Variants in CIT observed in about 807,000 individuals in gnomAD.
CIT encodes the protein citron rho-interacting serine/threonine kinase, also known as citron Rho-interacting kinase.
CIT carries 79 observed loss-of-function variants against 272.7 expected under a neutral mutation model. The observed-to-expected ratio is 0.29, with a 90% CI of 0.24 to 0.35. The LOEUF (loss-of-function observed/expected upper bound fraction) is 0.35. CIT is among the 10% of genes least tolerant of loss of function. The probability of loss-of-function intolerance (pLI) is 1.00; values close to 1 mark genes in which losing one functional copy is unlikely to be tolerated. For synonymous variants in CIT, 948 were observed against 995.6 expected (o/e 0.95, Z 0.90); for missense variants, 1,909 against 2,618.3 (o/e 0.73, Z 5.91).
chr12:119,755,968 C>T (rs1427919351), intron 22 of CIT, among the ~76,000 whole-genome samples: 2 of 152,216 alleles, frequency 1.3e-5, no homozygotes, highest in African/African-American at 2.4e-5. Context: ...GGTCACGGGG[C>T]TGTCATTACA....
At position 119,710,469 on chromosome 12, in the gene CIT, A is replaced by G. The variant is rs1417853737; in HGVS notation, c.4935+71T>C. The stretch of plus-strand genomic sequence containing the variant: ...CTCTAGTAAGAGCAACAAGGCCTCC[A>G]CAGCCCTTTCTTTCTTGATGGGGTG... On this transcript the variant is annotated intron_variant, in intron 38 of 47. Coordinates refer to ENST00000392521, the MANE Select transcript of CIT (RefSeq NM_001206999.2). The surrounding 1 kb of genome is among the most constrained non-coding windows in gnomAD (Gnocchi z 5.6). 1 of 1,612,698 alleles carries G rather than the reference A, an allele frequency of 6.2e-7. No homozygotes were observed. The highest frequency in any genetic ancestry group is 8.5e-7 in the Non-Finnish European group (1 of 1,178,832).
intron 8 of CIT, among the ~76,000 whole-genome samples, chr12:119,824,038 CAAAAAA>C (rs33990395): frequency 7.9e-5 from 4 of 50,700 alleles, no homozygotes; most frequent in Admixed American, 6.8e-4. Flanking sequence ...GACTCCATCT[CAAAAAA>C]AAAAAAAAAA....
intron 5 of CIT, among the ~76,000 whole-genome samples, chr12:119,835,572 TC>T (rs1423275491): frequency 1.3e-5 from 2 of 152,206 alleles, no homozygotes; most frequent in Non-Finnish European, 2.9e-5. Context: ...TCATATGCTT[TC>T]TGGGAAAAAG....
Position 119,837,302 on chromosome 12 carries a change from G to A in CIT, c.517-3074C>T, listed in dbSNP as rs993597408. On this transcript the variant is annotated intron_variant, in intron 5 of 47. Transcript: ENST00000392521. ...AGCTGCTCATTCTAGTATGAATGGA[G>A]GCCATGGGGAAGATGGCTTGTGTGT... Among the ~76,000 whole-genome samples, 3 of 152,320 alleles carry A rather than the reference G, an allele frequency of 2.0e-5. No homozygotes were observed. The South Asian group carries it at 6.2e-4, about 32-fold the overall frequency.
intron 21 of CIT, among the ~76,000 whole-genome samples, chr12:119,757,937 G>A (rs1436150327): frequency 6.6e-6 from 1 of 152,160 alleles, no homozygotes; most frequent in Non-Finnish European, 1.5e-5. Context: ...GGAGAAAAAG[G>A]ACTAAGGAGA....
chr12:119,737,288 C>A lies in CIT; in HGVS notation c.2959-1931G>T, dbSNP rs561644011. On this transcript the variant is annotated intron_variant, in intron 24 of 47. Transcript: ENST00000392521. ...CGCCACTGCACTCCAGCCTGGGTGACAGAGCAAGATTCCATCTCAAAAAAA... is the reference window on the plus strand; with the variant it reads ...CGCCACTGCACTCCAGCCTGGGTGAAAGAGCAAGATTCCATCTCAAAAAAA... 7.0e-5 allele frequency among the ~76,000 whole-genome samples: 7 copies of A among 99,330 alleles called. No individual in the cohort carries two copies. The East Asian group carries it at 2.2e-3, about 31-fold the overall frequency. The allele number at this position is 99,330 out of a possible 152,430, so 65.2% of individuals were successfully genotyped here.
intron 6 of CIT, 110 bp from the exon 7 acceptor site, chr12:119,832,974 T>C (rs1288058742): frequency 1.4e-6 from 1 of 716,794 alleles, no homozygotes; most frequent in Non-Finnish European, 2.5e-6. Flanking sequence ...TTCTGTTATA[T>C]AGACCTCCTC....
chr12:119,865,460 G>A (rs915957484), intron 3 of CIT, among the ~76,000 whole-genome samples: 6 of 152,206 alleles, frequency 3.9e-5, no homozygotes, highest in Non-Finnish European at 8.8e-5. Context: ...ATTAAATGTT[G>A]TTGACATTCA....
chr12:119,808,525 T>TAA (rs536884755), intron 9 of CIT, among the ~76,000 whole-genome samples: 6 of 146,300 alleles, frequency 4.1e-5, no homozygotes. Context: ...ACTAGCATAT[T>TAA]AAAAAAAAAA....
intron 32 of CIT, among the ~76,000 whole-genome samples, chr12:119,717,490 G>A (rs1342004578): frequency 2.9e-5 from 4 of 138,032 alleles, no homozygotes; most frequent in African/African-American, 8.7e-5. Flanking sequence ...GGGTGATCTC[G>A]GCTCACTGCA....
At chr12:119,751,271 C>A (rs764887696) in intron 23 of CIT, among the ~76,000 whole-genome samples, 1 of 152,044 alleles carries the variant, frequency 6.6e-6, no homozygotes, top group Non-Finnish European at 1.5e-5. Flanking sequence ...TTGGCAGTTG[C>A]ATTTCCCCCT....
In CIT at chr12:119,775,845, A is replaced by G. The variant is rs769636078; in HGVS notation, c.1888-6T>C. 6.2e-7 allele frequency: 1 copy of G among 1,611,170 alleles called. No homozygotes were observed. The highest frequency in any genetic ancestry group is 1.7e-5 in the Admixed American group (1 of 59,620). The stretch of plus-strand genomic sequence containing the variant: ...AGCTGCTGCTCAGCATTGATCTATA[A>G]TTAAAATCCCAGGAAATAAAGCAAA... On this transcript the variant is annotated splice_region_variant and splice_polypyrimidine_tract_variant and intron_variant, in intron 15 of 47. Coordinates refer to ENST00000392521, the MANE Select transcript of CIT (RefSeq NM_001206999.2).
chr12:119,785,974 G>A (rs1019262245), intron 10 of CIT, among the ~76,000 whole-genome samples: 4 of 152,154 alleles, frequency 2.6e-5, no homozygotes, highest in Admixed American at 1.3e-4. Context: ...TTGGCCATAG[G>A]AAACTCATAC....
intron 2 of CIT, among the ~76,000 whole-genome samples, chr12:119,873,268 CTTTT>C (rs59861360): frequency 4.4e-5 from 6 of 136,966 alleles, no homozygotes; most frequent in African/African-American, 1.4e-4. Context: ...TTTTCCTTTT[CTTTT>C]TTTTTTTTTT....
intron 7 of CIT, among the ~76,000 whole-genome samples, chr12:119,828,185 T>A (rs1968323533): frequency 6.6e-6 from 1 of 152,260 alleles, no homozygotes; most frequent in South Asian, 2.1e-4. Context: ...TCTAATTTTC[T>A]AAATTTTATT....
At position 119,845,510 on chromosome 12, in the gene CIT, G is replaced by A. The variant is rs536926256; in HGVS notation, c.516+4664C>T. ...TCTACTAAAAATACAAAAATTTGCCGGACATGGTGGTGGGCACCTGTAATC... is the reference window on the plus strand; with the variant it reads ...TCTACTAAAAATACAAAAATTTGCCAGACATGGTGGTGGGCACCTGTAATC... On this transcript the variant is annotated intron_variant, in intron 5 of 47. Transcript: ENST00000392521. Among the ~76,000 whole-genome samples, 6 of 151,396 alleles carry A rather than the reference G, an allele frequency of 4.0e-5. No homozygotes were observed. The East Asian group carries it at 7.9e-4, about 20-fold the overall frequency.
At position 119,783,816 on chromosome 12, in the gene CIT, G is replaced by A. The variant is rs1340598046; in HGVS notation, c.1545+92C>T. 1.3e-5 allele frequency: 18 copies of A among 1,434,960 alleles called. No individual in the cohort carries two copies. In the South Asian group the frequency reaches 2.4e-4, roughly 19 times the overall value. 88.9% of individuals were successfully genotyped at this position (1,434,960 alleles called of 1,614,324 possible). ...CTCTCTACTCTCTGCCATTGGCTGT[G>A]ATGTGCCTCATGGAGCCATCATGAA... On this transcript the variant is annotated intron_variant, in intron 12 of 47. Coordinates refer to ENST00000392521, the MANE Select transcript of CIT (RefSeq NM_001206999.2).
At position 119,771,567 on chromosome 12, in the gene CIT, C is replaced by G. The variant is rs1029809477; in HGVS notation, c.2083-657G>C. Reference sequence around the variant, plus strand: ...GTCAAAGGTTGAGGGTTTCAGGTACCAGGCTCAGGGGTGCACCTGAGCATT... The same window carrying G: ...GTCAAAGGTTGAGGGTTTCAGGTACGAGGCTCAGGGGTGCACCTGAGCATT... On this transcript the variant is annotated intron_variant, in intron 17 of 47. Coordinates refer to ENST00000392521, the MANE Select transcript of CIT (RefSeq NM_001206999.2). Among the ~76,000 whole-genome samples, 5 of 152,182 alleles carry G rather than the reference C, an allele frequency of 3.3e-5. No homozygotes were observed. In the East Asian group the frequency reaches 9.7e-4, roughly 29 times the overall value.
At position 119,717,294 on chromosome 12, in the gene CIT, C is replaced by A. The variant is rs1440026655; in HGVS notation, c.4168+951G>T. Among the ~76,000 whole-genome samples, 3 of 152,178 alleles carry A rather than the reference C, an allele frequency of 2.0e-5. No individual in the cohort carries two copies. In the South Asian group the frequency reaches 6.2e-4, roughly 32 times the overall value. ...CTCGAACTCCCAACCTCAGGTGATCCGCCCACCTCAGCCTCCCAAAGTGCT... is the reference window on the plus strand; with the variant it reads ...CTCGAACTCCCAACCTCAGGTGATCAGCCCACCTCAGCCTCCCAAAGTGCT... On this transcript the variant is annotated intron_variant, in intron 32 of 47. Transcript: ENST00000392521.
Sources: gnomAD v4.1 joint callset for allele counts (sites outside exome capture counted in the v4.1 genomes callset) on GRCh38, gnomAD v4.1.1 for gene constraint, Gnocchi (gnomAD v3.1) non-coding constraint, MANE v1.5 for transcripts, NCBI Gene and HGNC (gene_info 2026-07-23, HGNC 2026-07-21) for gene names.